The following SORCS1 variants were observed in gnomAD, a reference collection of about 807,000 sequenced individuals.
The protein encoded by SORCS1 is VPS10 domain-containing receptor SorCS1.
A neutral mutation model predicts 146.1 loss-of-function variants in SORCS1; 60 were observed. The observed-to-expected ratio is 0.41, with a 90% CI of 0.33 to 0.51. The LOEUF (loss-of-function observed/expected upper bound fraction) is 0.51. Ranked by LOEUF, SORCS1 falls within the 20% of genes least tolerant of loss-of-function variation. SORCS1 has a pLI of 0.21. For missense variants in SORCS1, 1,352 were observed against 1,487.6 expected (o/e 0.91, Z 1.50); for synonymous variants, 637 against 584.0 (o/e 1.09, Z -1.31).
At chr10:106,807,715 T>G (rs2136730789) in intron 3 of SORCS1, among the ~76,000 whole-genome samples, 1 of 152,384 alleles carries the variant, frequency 6.6e-6, no homozygotes, top group South Asian at 2.1e-4. Context: ...CCATGCAGTC[T>G]TCTGCATCTC....
intron 1 of SORCS1, among the ~76,000 whole-genome samples, chr10:106,985,472 C>T (rs186376861): frequency 3.3e-5 from 5 of 151,412 alleles, no homozygotes; most frequent in Admixed American, 2.6e-4. Context: ...AAATGAATGT[C>T]TACAGAGTGT....
chr10:106,592,656 A>C (rs1845669133), intron 24 of SORCS1, among the ~76,000 whole-genome samples: 1 of 152,152 alleles, frequency 6.6e-6, no homozygotes, highest in South Asian at 2.1e-4. Context: ...AAATGTTGCT[A>C]ACAATGGTTC....
chr10:107,178,266 C>A, the SORCS1 span, among the ~76,000 whole-genome samples: 1 of 151,940 alleles, frequency 6.6e-6, no homozygotes, highest in African/African-American at 2.4e-5. Context: ...ATATTTGTAC[C>A]CATTAACCAA....
intron 6 of SORCS1, among the ~76,000 whole-genome samples, chr10:106,721,284 A>C (rs1226172600): frequency 6.6e-6 from 1 of 152,132 alleles, no homozygotes; most frequent in East Asian, 1.9e-4. Flanking sequence ...GACTAAAAAA[A>C]AGATAAAGGA....
chr10:106,685,771 T>A (rs1852783375), intron 10 of SORCS1, among the ~76,000 whole-genome samples: 1 of 152,160 alleles, frequency 6.6e-6, no homozygotes, highest in Admixed American at 6.5e-5. Flanking sequence ...CATGATAAAG[T>A]ATTTTTATTT....
chr10:106,827,881 C>A (rs1948368855), intron 3 of SORCS1, among the ~76,000 whole-genome samples: 1 of 152,192 alleles, frequency 6.6e-6, no homozygotes, highest in Non-Finnish European at 1.5e-5. Flanking sequence ...AATCCAATTA[C>A]TCAGTAACAC....
intron 1 of SORCS1, among the ~76,000 whole-genome samples, chr10:107,132,328 G>C (rs552018523): frequency 7.2e-5 from 11 of 152,178 alleles, no homozygotes; most frequent in Admixed American, 3.9e-4. Context: ...AATTCAGTGA[G>C]AGCCCCTCTT....
At chr10:106,782,851 C>G (rs1861000755) in intron 3 of SORCS1, among the ~76,000 whole-genome samples, 1 of 152,174 alleles carries the variant, frequency 6.6e-6, no homozygotes, top group South Asian at 2.1e-4. Context: ...GAGCATGGGG[C>G]TGGTGCACCA....
rs1262904093 is a variant in SORCS1, at chr10:106,976,144, A to G, written c.559-19564T>C. On this transcript the variant is annotated intron_variant, in intron 1 of 25. Transcript: ENST00000263054. ...CTGGACTCTGTCTCAAAAAAAAAAA[A>G]AAAAAAGCCATCTCCTCCATGAAGC... Among the ~76,000 whole-genome samples the G allele has an allele frequency of 2.0e-5, 3 of 151,474 alleles. No individual in the cohort carries two copies. In the East Asian group the frequency reaches 5.9e-4, roughly 30 times the overall value.
intron 1 of SORCS1, among the ~76,000 whole-genome samples, chr10:107,084,491 G>A (rs1486696388): frequency 1.3e-5 from 2 of 152,032 alleles, no homozygotes; most frequent in Non-Finnish European, 2.9e-5. Flanking sequence ...TATAAAGACT[G>A]CAGATGTGTT....
intron 2 of SORCS1, among the ~76,000 whole-genome samples, chr10:106,864,962 A>C (rs1463613296): frequency 1.3e-5 from 2 of 149,414 alleles, no homozygotes; most frequent in South Asian, 4.2e-4. Flanking sequence ...AGTGGTGTTC[A>C]CTGGCCAACA....
At chr10:107,014,915 GC>G (rs1327713369) in intron 1 of SORCS1, among the ~76,000 whole-genome samples, 4 of 152,184 alleles carry the variant, frequency 2.6e-5, no homozygotes, top group Non-Finnish European at 4.4e-5. Flanking sequence ...GGAAGGAATA[GC>G]CAATTGTGGT....
In SORCS1 at chr10:106,960,278, G is replaced by A. The variant is rs1014407025; in HGVS notation, c.559-3698C>T. Among the ~76,000 whole-genome samples the A allele has an allele frequency of 6.6e-6, 1 of 152,028 alleles. No individual in the cohort carries two copies. The highest frequency in any genetic ancestry group is 2.4e-5 in the African/African-American group (1 of 41,392). On this transcript the variant is annotated intron_variant, in intron 1 of 25. Coordinates refer to ENST00000263054, the MANE Select transcript of SORCS1 (RefSeq NM_052918.5). This position sits in a 1 kb window ranked among gnomAD's most constrained non-coding sequence, Gnocchi z 4.4. ...GTGACATGCTTCAAGTATCCCCCTCGCCAGTCTAGGACTTGCTGTCAGCAC... is the reference window on the plus strand; with the variant it reads ...GTGACATGCTTCAAGTATCCCCCTCACCAGTCTAGGACTTGCTGTCAGCAC...
intron 1 of SORCS1, among the ~76,000 whole-genome samples, chr10:107,091,297 G>A (rs1043194874): frequency 6.6e-6 from 1 of 152,186 alleles, no homozygotes; most frequent in Non-Finnish European, 1.5e-5. Context: ...CCCAGCATCG[G>A]TGATGACTGA....
chr10:106,898,261 T>C (rs929248707), intron 2 of SORCS1, among the ~76,000 whole-genome samples: 28 of 152,220 alleles, frequency 1.8e-4, no homozygotes, highest in African/African-American at 6.3e-4. Flanking sequence ...GCTGATCAGA[T>C]ACTGTTCTGC....
intron 1 of SORCS1, among the ~76,000 whole-genome samples, chr10:107,067,588 T>C (rs1187679289): frequency 9.9e-5 from 15 of 152,218 alleles, no homozygotes; most frequent in Admixed American, 9.8e-4. Context: ...ATTGAGTCCA[T>C]AAATACAGCT....
intron 1 of SORCS1, among the ~76,000 whole-genome samples, chr10:107,007,035 C>T (rs1157157601): frequency 1.3e-5 from 2 of 152,170 alleles, no homozygotes; most frequent in Admixed American, 6.5e-5. Flanking sequence ...CCGACTAGAC[C>T]TACGCTTAGC....
intron 9 of SORCS1, among the ~76,000 whole-genome samples, chr10:106,693,237 G>A (rs1317892609): frequency 1.3e-5 from 2 of 152,182 alleles, no homozygotes; most frequent in Non-Finnish European, 2.9e-5. Context: ...ACATGAACTT[G>A]TGAATCTTTG....
intron 3 of SORCS1, among the ~76,000 whole-genome samples, chr10:106,777,862 T>C (rs769614836): frequency 6.6e-6 from 1 of 152,220 alleles, no homozygotes; most frequent in African/African-American, 2.4e-5. Context: ...CATCAACTTA[T>C]TAATTGGTAC....
Sources: allele counts gnomAD v4.1 joint callset (sites outside exome capture counted in the v4.1 genomes callset), GRCh38; gene constraint gnomAD v4.1.1; non-coding constraint Gnocchi (gnomAD v3.1); transcripts MANE v1.5; gene names NCBI Gene and HGNC (gene_info 2026-07-23, HGNC 2026-07-21).